The following ZNF599 variants were observed in gnomAD, a reference collection of about 807,000 sequenced individuals.
The protein encoded by ZNF599 is zinc finger protein 599.
A neutral mutation model predicts 11.7 loss-of-function variants in ZNF599; 10 were observed. That is an observed-to-expected ratio of 0.86 (90% CI 0.53 to 1.45). ZNF599 has a LOEUF of 1.45. Ranked by LOEUF, ZNF599 falls within the 40% of genes most tolerant of loss-of-function variation. The pLI is 0.00. For missense variants in ZNF599, 688 were observed against 713.6 expected (o/e 0.96, Z 0.41); for synonymous variants, 232 against 253.2 (o/e 0.92, Z 0.79).
chr19:34,781,961 G>A, the ZNF599 span, among the ~76,000 whole-genome samples: 462 of 152,308 alleles, frequency 3.0e-3, 3 homozygotes, highest in Middle Eastern at 6.8e-3. Flanking sequence ...ATGACAAGTG[G>A]ATACAGTTTC....
the ZNF599 span, among the ~76,000 whole-genome samples, chr19:34,807,351 A>T: frequency 1.3e-5 from 2 of 152,134 alleles, no homozygotes; most frequent in African/African-American, 4.8e-5. Context: ...CCTGTGGGTG[A>T]ATGGCTCCAG....
intron 3 of ZNF599, among the ~76,000 whole-genome samples, chr19:34,766,131 G>A (rs1156238509): frequency 6.6e-6 from 1 of 152,166 alleles, no homozygotes; most frequent in Admixed American, 6.5e-5. Context: ...AGACATTCAA[G>A]TGAAGATGTG....
chr19:34,772,895 G>A lies in ZNF599; in HGVS notation c.-54C>T. 7.1e-7 allele frequency: 1 copy of A among 1,407,434 alleles called. No homozygotes were observed. Among genetic ancestry groups the A allele is most frequent in the South Asian group, 1.5e-5 (1 of 65,780 alleles). 87.2% of individuals were successfully genotyped at this position (1,407,434 alleles called of 1,614,324 possible). On this transcript the variant is annotated 5_prime_UTR_variant, in exon 1 of 4. Transcript: ENST00000329285. ...GAGTCGGCGAGGAAGCCGGTCCTGC[G>A]GGCTCGGCCGACCCCGGGCTCCGGC...
At chr19:34,804,899 C>T in the ZNF599 span, among the ~76,000 whole-genome samples, 6 of 152,182 alleles carry the variant, frequency 3.9e-5, no homozygotes, top group Non-Finnish European at 5.9e-5. Flanking sequence ...CACCAGACAC[C>T]TGCATGCTAG....
At chr19:34,770,558 T>C (rs539089445) in intron 1 of ZNF599, among the ~76,000 whole-genome samples, 1 of 152,320 alleles carries the variant, frequency 6.6e-6, no homozygotes, top group Admixed American at 6.5e-5. Context: ...AGCTGGGACT[T>C]GTAGACTCCC....
At position 34,759,237 on chromosome 19, in the gene ZNF599, A is replaced by G; in HGVS notation, c.1564T>C (p.Phe522Leu). The G allele has an allele frequency of 8.1e-6, 13 of 1,614,096 alleles. No individual in the cohort carries two copies. The highest frequency in any genetic ancestry group is 1.1e-5 in the Non-Finnish European group (13 of 1,180,014). ...CGKAFTQPAN[F>L]VRHNRIHTGE... The stretch of plus-strand genomic sequence containing the variant: ...GTGTGGATCCTATTATGCCGAACAA[A>G]ATTTGCAGGTTGGGTAAAAGCCTTT... Residue 522 changes from phenylalanine (F) to leucine (L), a missense_variant, in exon 4 of 4, where the codon TTT becomes CTT. Phe to Leu is a conservative substitution (Grantham distance 22, BLOSUM62 0). Transcript: ENST00000329285.
chr19:34,772,809 G>C lies in ZNF599; in HGVS notation c.18+15C>G. Reference sequence around the variant, plus strand: ...GTGACCCGAGCTCGCGCGGGCTGCGGAACCCTCCACTCACCAACGCCGGCG... The same window carrying C: ...GTGACCCGAGCTCGCGCGGGCTGCGCAACCCTCCACTCACCAACGCCGGCG... On this transcript the variant is annotated intron_variant, in intron 1 of 3. Transcript: ENST00000329285. 1.3e-6 allele frequency: 2 copies of C among 1,533,018 alleles called. No homozygotes were observed. Among genetic ancestry groups the C allele is most frequent in the Non-Finnish European group, 1.7e-6 (2 of 1,143,332 alleles). 95.0% of individuals were successfully genotyped at this position (1,533,018 alleles called of 1,614,324 possible).
At chr19:34,805,208 T>TG in the ZNF599 span, among the ~76,000 whole-genome samples, 1 of 150,656 alleles carries the variant, frequency 6.6e-6, no homozygotes, top group African/African-American at 2.4e-5. Context: ...TTTTTTTTTT[T>TG]TTTTTTTTGA....
At chr19:34,772,497 A>T in intron 1 of ZNF599, 1 of 1,230,896 alleles carries the variant, frequency 8.1e-7, no homozygotes. Context: ...CCCACGTCAC[A>T]AGCGTACCCT....
intron 3 of ZNF599, among the ~76,000 whole-genome samples, chr19:34,761,452 T>C (rs2069113140): frequency 6.6e-6 from 1 of 152,196 alleles, no homozygotes; most frequent in South Asian, 2.1e-4. Flanking sequence ...AAGCTGACTG[T>C]GGATAGAGAT....
At position 34,759,317 on chromosome 19, in the gene ZNF599, G is replaced by A. The variant is rs546388568; in HGVS notation, c.1484C>T (p.Thr495Ile). ...TCCAGTGTGAATCCTCATGTGTCGAGTGAAGGAAGAGCTATAGTAAAAGGC... is the reference window on the plus strand; with the variant it reads ...TCCAGTGTGAATCCTCATGTGTCGAATGAAGGAAGAGCTATAGTAAAAGGC... ...AKAFYYSSSF[T>I]RHMRIHTGEK... The change falls in exon 4 of 4, where the codon ACT becomes ATT. Residue 495 changes from threonine (T) to isoleucine (I), a missense_variant. Coordinates refer to ENST00000329285, the MANE Select transcript of ZNF599 (RefSeq NM_001007248.3). 2.5e-4 allele frequency: 409 copies of A among 1,614,092 alleles called. 4 individuals are homozygous for A. The South Asian group carries it at 4.2e-3, about 17-fold the overall frequency.
upstream of ZNF599, among the ~76,000 whole-genome samples, chr19:34,776,370 T>G (rs2069216734): frequency 6.6e-6 from 1 of 152,256 alleles, no homozygotes. Flanking sequence ...AGACTAGGGC[T>G]AAATTTAAGT....
intron 2 of ZNF599, among the ~76,000 whole-genome samples, chr19:34,769,213 A>T (rs536055179): frequency 6.6e-5 from 10 of 152,216 alleles, no homozygotes; most frequent in Non-Finnish European, 1.5e-4. Flanking sequence ...TGTGCTAGAC[A>T]GTGGGATAAA....
At chr19:34,784,834 A>G in the ZNF599 span, among the ~76,000 whole-genome samples, 1 of 151,032 alleles carries the variant, frequency 6.6e-6, no homozygotes, top group South Asian at 2.1e-4. Context: ...TTGCCGAAGC[A>G]AGATAACCAG....
At chr19:34,772,733 G>A in intron 1 of ZNF599, 91 bp downstream of exon 1, 1 of 1,530,078 alleles carries the variant, frequency 6.5e-7, no homozygotes, top group Non-Finnish European at 8.7e-7. Flanking sequence ...AAAGGGAGAA[G>A]CACAGAGTCC....
upstream of ZNF599, among the ~76,000 whole-genome samples, chr19:34,777,339 A>AATATATT (rs1205699837): frequency 2.3e-5 from 1 of 44,322 alleles, no homozygotes; most frequent in Non-Finnish European, 4.1e-5. Context: ...ATTATATATT[A>AATATATT]ATATATTATA....
rs2069196632 is a variant in ZNF599 at position 34,773,111 on chromosome 19, G to A, written c.-270C>T. On this transcript the variant is annotated 5_prime_UTR_variant, in exon 1 of 4. It adds an upstream start codon to the 5' untranslated region. Transcript: ENST00000329285. ...GTGGGTCCTATCCTCCTCACTGTCC[G>A]TCTCTACTCGGTCTCGAAAAGTGGC... The A allele has an allele frequency of 2.3e-6, 1 of 432,912 alleles. No individual in the cohort carries two copies. The highest frequency in any genetic ancestry group is 5.5e-5 in the South Asian group (1 of 18,308). 26.8% of individuals were successfully genotyped at this position (432,912 alleles called of 1,614,324 possible). A position where few individuals can be genotyped will look rare whatever the true frequency, so the allele number is the denominator to read the frequency against.
chr19:34,760,577 T>TA lies in ZNF599; in HGVS notation c.242-19dup, dbSNP rs749592357. ...TTTTTCACCTGAAGGAAATCCAATA[T>TA]AAAAAAAACTGAACATTAGTGATGT... On this transcript the variant is annotated intron_variant, in intron 3 of 3. Transcript: ENST00000329285. 1.4e-5 allele frequency: 22 copies of TA among 1,568,058 alleles called. No individual in the cohort carries two copies. The highest frequency in any genetic ancestry group is 1.9e-4 in the Middle Eastern group (1 of 5,376).
At position 34,760,220 on chromosome 19, in the gene ZNF599, G is replaced by C. The variant is rs986278471; in HGVS notation, c.581C>G (p.Ala194Gly). Residue 194 changes from alanine (A) to glycine (G), a missense_variant, in exon 4 of 4, where the codon GCA becomes GGA. Coordinates refer to ENST00000329285, the MANE Select transcript of ZNF599 (RefSeq NM_001007248.3). ...QGPGKDPMTD[A>G]RNNPYTCTEC... ...CGTGCATGTGTAAGGGTTATTCCTTGCATCAGTCATGGGGTCTTTTCCTGG... is the reference window on the plus strand; with the variant it reads ...CGTGCATGTGTAAGGGTTATTCCTTCCATCAGTCATGGGGTCTTTTCCTGG... 1.9e-6 allele frequency: 3 copies of C among 1,614,146 alleles called. No individual in the cohort carries two copies. Among genetic ancestry groups the C allele is most frequent in the Admixed American group, 1.7e-5 (1 of 60,016 alleles).
Sources: allele counts gnomAD v4.1 joint callset (sites outside exome capture counted in the v4.1 genomes callset), GRCh38; gene constraint gnomAD v4.1.1; transcripts MANE v1.5; gene names NCBI Gene and HGNC (gene_info 2026-07-23, HGNC 2026-07-21).